Variants in GLIS3 observed in about 807,000 individuals in gnomAD.
GLIS3 encodes zinc finger protein GLIS3.
Under a neutral mutation model 78.6 loss-of-function variants are expected in GLIS3, and 53 were observed. The observed-to-expected ratio is 0.67, with a 90% CI of 0.54 to 0.85. The LOEUF (loss-of-function observed/expected upper bound fraction) is 0.85, where lower values mean the gene tolerates loss of function less well. GLIS3 is among the 40% of genes least tolerant of loss of function. The probability of loss-of-function intolerance (pLI) is 0.00; values close to 1 mark genes in which losing one functional copy is unlikely to be tolerated. For missense variants in GLIS3, 1,703 were observed against 1,231.1 expected (o/e 1.38, Z -5.74); for synonymous variants, 684 against 509.9 (o/e 1.34, Z -4.60).
intron 9 of GLIS3, among the ~76,000 whole-genome samples, chr9:3,852,624 T>G (rs1218551502): frequency 1.3e-5 from 2 of 152,206 alleles, no homozygotes; most frequent in Admixed American, 6.5e-5. Flanking sequence ...TGAAGAGTAG[T>G]AGATAAGAAC....
intron 4 of GLIS3, among the ~76,000 whole-genome samples, chr9:4,027,836 C>T (rs376372051): frequency 6.6e-6 from 1 of 152,174 alleles, no homozygotes; most frequent in Middle Eastern, 3.2e-3. Flanking sequence ...GCGGAACCCT[C>T]GTAGGAGAGG....
chr9:4,280,206 G>A (rs879158627), intron 2 of GLIS3, among the ~76,000 whole-genome samples: 1 of 152,088 alleles, frequency 6.6e-6, no homozygotes, highest in Non-Finnish European at 1.5e-5. Flanking sequence ...TTTTTGTAGA[G>A]AGAGAGGGGT....
At chr9:4,337,486 A>G (rs61642345) in intron 2 of GLIS3, among the ~76,000 whole-genome samples, 3,387 of 152,318 alleles carry the variant, frequency 0.022, 140 homozygotes, top group African/African-American at 0.078. Context: ...AATGAAGGCA[A>G]TATTTTGCAA....
chr9:3,999,234 C>A (rs1006427310), intron 4 of GLIS3, among the ~76,000 whole-genome samples: 1 of 152,126 alleles, frequency 6.6e-6, no homozygotes, highest in Non-Finnish European at 1.5e-5. Flanking sequence ...ACTACTACAA[C>A]AAATAACTGA....
chr9:4,205,885 G>T (rs1819830753), intron 2 of GLIS3, among the ~76,000 whole-genome samples: 1 of 152,206 alleles, frequency 6.6e-6, no homozygotes, highest in Admixed American at 6.5e-5. Context: ...TAAGAAATAT[G>T]AATAAAAGAA....
At chr9:4,111,872 A>C (rs1005309410) in intron 4 of GLIS3, among the ~76,000 whole-genome samples, 2 of 152,242 alleles carry the variant, frequency 1.3e-5, no homozygotes, top group African/African-American at 4.8e-5. Flanking sequence ...CAGCCTCAAG[A>C]GACAAAGAGG....
chr9:4,096,245 G>C (rs1018551198), intron 4 of GLIS3, among the ~76,000 whole-genome samples: 3 of 152,160 alleles, frequency 2.0e-5, no homozygotes, highest in Non-Finnish European at 4.4e-5. Context: ...ACGATGTGCG[G>C]TTAATTAACT....
chr9:4,003,197 T>C (rs566272068), intron 4 of GLIS3, among the ~76,000 whole-genome samples: 4 of 152,116 alleles, frequency 2.6e-5, no homozygotes, highest in South Asian at 2.1e-4. Context: ...CTGGGCAACA[T>C]AGCAAGATCC....
chr9:3,941,696 C>G (rs1272134413), intron 4 of GLIS3, among the ~76,000 whole-genome samples: 1 of 152,204 alleles, frequency 6.6e-6, no homozygotes, highest in Non-Finnish European at 1.5e-5. Context: ...ATAGAACTTA[C>G]ACTCATGGGT....
intron 2 of GLIS3, among the ~76,000 whole-genome samples, chr9:4,211,791 G>C (rs539913440): frequency 6.6e-6 from 1 of 152,332 alleles, no homozygotes; most frequent in Admixed American, 6.5e-5. Flanking sequence ...CTGATGAATG[G>C]AGAAGTAAAA....
chr9:4,288,715 G>GTTT (rs1828206175), intron 1 of GLIS3, among the ~76,000 whole-genome samples: 1 of 137,286 alleles, frequency 7.3e-6, no homozygotes, highest in Admixed American at 7.8e-5. Context: ...CTACACTCCC[G>GTTT]TTTTAAATAG....
intron 5 of GLIS3, among the ~76,000 whole-genome samples, chr9:3,935,516 G>A (rs1825847775): frequency 6.6e-6 from 1 of 152,082 alleles, no homozygotes; most frequent in Non-Finnish European, 1.5e-5. Context: ...GCAAAGGAGG[G>A]CAGTGCGAAA....
chr9:4,063,455 C>A (rs753192253), intron 4 of GLIS3, among the ~76,000 whole-genome samples: 1 of 151,832 alleles, frequency 6.6e-6, no homozygotes, highest in East Asian at 1.9e-4. Context: ...TCTGAAAAAT[C>A]TATTCATGTA....
chr9:4,066,050 AAAAAG>A (rs1827071232), intron 4 of GLIS3, among the ~76,000 whole-genome samples: 1 of 151,776 alleles, frequency 6.6e-6, no homozygotes, highest in South Asian at 2.1e-4. Flanking sequence ...AAAAAAAAAA[AAAAAG>A]AAACAGGCGA....
chr9:4,419,909 C>T, the GLIS3 span, among the ~76,000 whole-genome samples: 24 of 152,184 alleles, frequency 1.6e-4, no homozygotes, highest in South Asian at 4.1e-4. Flanking sequence ...CAGGCCTCAC[C>T]TACCACATTG....
At chr9:4,363,922 G>A in the GLIS3 span, among the ~76,000 whole-genome samples, 1 of 152,198 alleles carries the variant, frequency 6.6e-6, no homozygotes, top group Non-Finnish European at 1.5e-5. Context: ...CCAGTTATGA[G>A]GAAGCAGGGT....
At chr9:4,418,291 C>T in the GLIS3 span, among the ~76,000 whole-genome samples, 1 of 152,078 alleles carries the variant, frequency 6.6e-6, no homozygotes, top group African/African-American at 2.4e-5. Flanking sequence ...TGGGCTTTAA[C>T]TATTGAGGTC....
chr9:3,980,828 C>G (rs1045734820), intron 4 of GLIS3, among the ~76,000 whole-genome samples: 1 of 152,134 alleles, frequency 6.6e-6, no homozygotes, highest in Non-Finnish European at 1.5e-5. Context: ...TCTTCTTCTT[C>G]TTCTTTTTTT....
At position 3,955,720 on chromosome 9, in the gene GLIS3, G is replaced by T. The variant is rs148739090; in HGVS notation, c.1711-18531C>A. On this transcript the variant is annotated intron_variant, in intron 4 of 10. Coordinates refer to ENST00000381971, the MANE Select transcript of GLIS3 (RefSeq NM_001042413.2). ...TTAATTTTCTCTCCCTGCATTTAGG[G>T]ATTCAAAAGCCATAGAGAATAATAA... Among the ~76,000 whole-genome samples, 247 of 152,176 alleles carry T rather than the reference G, an allele frequency of 1.6e-3. 1 individual carries two copies. The highest frequency in any genetic ancestry group is 2.7e-3 in the Non-Finnish European group (183 of 68,000).
Sources: gnomAD v4.1 joint callset for allele counts (sites outside exome capture counted in the v4.1 genomes callset) on GRCh38, gnomAD v4.1.1 for gene constraint, MANE v1.5 for transcripts, NCBI Gene and HGNC (gene_info 2026-07-23, HGNC 2026-07-21) for gene names.